The following NOL10 variants were observed in gnomAD, a reference collection of about 807,000 sequenced individuals.
NOL10 encodes the protein H_NH0074G24.1.
A neutral mutation model predicts 103.5 loss-of-function variants in NOL10; 58 were observed. The ratio of observed to expected loss-of-function variants is 0.56; its 90% CI spans 0.45 to 0.70. The LOEUF is 0.70. Among genes scored for constraint, NOL10 ranks in the 30% least tolerant of loss-of-function variants. The pLI is 0.00. For missense variants in NOL10, 763 were observed against 807.3 expected (o/e 0.95, Z 0.67); for synonymous variants, 287 against 282.5 (o/e 1.02, Z -0.16).
chr2:10,602,758 G>A lies in NOL10; in HGVS notation c.1332+18C>T, dbSNP rs773890891. 3 of 1,416,576 alleles carry A rather than the reference G, an allele frequency of 2.1e-6. No individual in the cohort carries two copies. Among genetic ancestry groups the A allele is most frequent in the Non-Finnish European group, 2.9e-6 (3 of 1,020,432 alleles). 87.8% of individuals were successfully genotyped at this position (1,416,576 alleles called of 1,614,324 possible). Reference sequence around the variant, plus strand: ...AGTACTCTTCTCTGATAAATTCAATGGTAAGTATAATATTTACCTTTAACT... The same window carrying A: ...AGTACTCTTCTCTGATAAATTCAATAGTAAGTATAATATTTACCTTTAACT... On this transcript the variant is annotated intron_variant, in intron 16 of 20. Coordinates refer to ENST00000381685, the MANE Select transcript of NOL10 (RefSeq NM_024894.4).
chr2:10,597,283 C>T (rs1675741875), intron 17 of NOL10, among the ~76,000 whole-genome samples: 1 of 152,120 alleles, frequency 6.6e-6, no homozygotes, highest in Non-Finnish European at 1.5e-5. Flanking sequence ...TTTGTGTTCT[C>T]AGTGGCAGCA....
At chr2:10,624,324 T>A (rs1572316997) in intron 13 of NOL10, among the ~76,000 whole-genome samples, 1 of 151,996 alleles carries the variant, frequency 6.6e-6, no homozygotes, top group African/African-American at 2.4e-5. Context: ...CACTGAAGCC[T>A]GGGCAACAGA....
intron 13 of NOL10, among the ~76,000 whole-genome samples, chr2:10,607,776 T>TA (rs1558286226): frequency 6.7e-6 from 1 of 150,100 alleles, no homozygotes; most frequent in East Asian, 1.9e-4. Flanking sequence ...TTATTATTAT[T>TA]TTGTAGAGAT....
At position 10,603,142 on chromosome 2, in the gene NOL10, A is replaced by G. The variant is rs1178579029; in HGVS notation, c.1169T>C (p.Ile390Thr). 1.1e-5 allele frequency: 17 copies of G among 1,611,366 alleles called. No individual in the cohort carries two copies. Among genetic ancestry groups the G allele is most frequent in the East Asian group, 2.2e-5 (1 of 44,806 alleles). The stretch of plus-strand genomic sequence containing the variant: ...ATATGCCCGGAGGAAAGGAGATCCA[A>G]TGAGGTGGGTGAGCCCTGGGAAAGG... ...DLENLGLTHLIGSPFLRAYMH... is the reference protein window; with the variant it reads ...DLENLGLTHLTGSPFLRAYMH... Residue 390 changes from isoleucine to threonine, a missense_variant, in exon 15 of 21, where the codon ATT becomes ACT. By Grantham distance (89) the Ile-to-Thr change is moderately conservative. Transcript: ENST00000381685.
intron 13 of NOL10, chr2:10,622,285 C>A (rs879088128): frequency 1.7e-5 from 7 of 414,380 alleles, no homozygotes; most frequent in Admixed American, 1.5e-4. Context: ...ATATTGTGAT[C>A]AAAAAAACCT....
At position 10,615,070 on chromosome 2, in the gene NOL10, C is replaced by A. The variant is rs141740358; in HGVS notation, c.1027-7759G>T. Among the ~76,000 whole-genome samples the A allele has an allele frequency of 4.9e-3, 744 of 152,282 alleles. 7 individuals are homozygous for A. The highest frequency in any genetic ancestry group is 0.017 in the African/African-American group (710 of 41,550). The stretch of plus-strand genomic sequence containing the variant: ...ACACTGGGTGAGCCAGAGGGAGTGG[C>A]CATGACCTTAAGCATGTAATTGCAT... On this transcript the variant is annotated intron_variant, in intron 13 of 20. Coordinates refer to ENST00000381685, the MANE Select transcript of NOL10 (RefSeq NM_024894.4).
intron 20 of NOL10, among the ~76,000 whole-genome samples, chr2:10,576,474 C>T (rs1045666349): frequency 1.3e-5 from 2 of 152,144 alleles, no homozygotes; most frequent in Non-Finnish European, 2.9e-5. Flanking sequence ...CCTTAAAAAA[C>T]GAATGAATAG....
At chr2:10,603,006 C>A (rs897069541) in intron 15 of NOL10, 72 bp downstream of exon 15, 2 of 1,303,960 alleles carry the variant, frequency 1.5e-6, no homozygotes, top group Non-Finnish European at 2.2e-6. Flanking sequence ...TATGAAAGTG[C>A]GAGTAGTGAG....
At chr2:10,604,121 A>G (rs4555317) in intron 14 of NOL10, among the ~76,000 whole-genome samples, 89,991 of 152,072 alleles carry the variant, frequency 0.59, 27,648 homozygotes, top group African/African-American at 0.74. Flanking sequence ...ACGCTCCTAT[A>G]AGAATCAAAT....
At chr2:10,625,380 T>C (rs1677399164) in intron 13 of NOL10, among the ~76,000 whole-genome samples, 2 of 152,142 alleles carry the variant, frequency 1.3e-5, no homozygotes, top group South Asian at 4.1e-4. Context: ...ATAAGAACTC[T>C]GTACTTTCCA....
intron 20 of NOL10, 139 bp downstream of exon 20, chr2:10,577,496 GA>G: frequency 1.6e-6 from 1 of 633,660 alleles, no homozygotes; most frequent in Non-Finnish European, 2.7e-6. Flanking sequence ...TGGTTGCAAG[GA>G]AAATGTTAGA....
At chr2:10,626,531 C>G (rs984272925) in intron 13 of NOL10, among the ~76,000 whole-genome samples, 1 of 151,412 alleles carries the variant, frequency 6.6e-6, no homozygotes, top group Admixed American at 6.6e-5. Context: ...AAAAACAAAA[C>G]AAAACCAAAA....
chr2:10,669,371 G>T (rs1320024329), intron 6 of NOL10, among the ~76,000 whole-genome samples: 2 of 150,578 alleles, frequency 1.3e-5, no homozygotes, highest in Non-Finnish European at 3.0e-5. Flanking sequence ...TTACAAGCAT[G>T]AGCCACCATG....
At chr2:10,593,706 G>T (rs77047837) in intron 17 of NOL10, among the ~76,000 whole-genome samples, 30,795 of 152,154 alleles carry the variant, frequency 0.2, 4,092 homozygotes, top group Non-Finnish European at 0.3. Flanking sequence ...CCTTTCCCAC[G>T]GAGAAGTTGC....
intron 13 of NOL10, among the ~76,000 whole-genome samples, chr2:10,639,049 C>A (rs998297691): frequency 2.0e-5 from 3 of 151,566 alleles, no homozygotes; most frequent in African/African-American, 7.3e-5. Flanking sequence ...GTGATCTGCC[C>A]ATCTCAGCCT....
intron 13 of NOL10, among the ~76,000 whole-genome samples, chr2:10,621,490 A>G (rs144573932): frequency 6.6e-6 from 1 of 152,164 alleles, no homozygotes; most frequent in Non-Finnish European, 1.5e-5. Flanking sequence ...GGTACTTGGG[A>G]GACTGAGGTT....
intron 8 of NOL10, among the ~76,000 whole-genome samples, chr2:10,665,944 T>C (rs574656416): frequency 6.6e-6 from 1 of 152,324 alleles, no homozygotes; most frequent in Non-Finnish European, 1.5e-5. Context: ...CACTGGTATA[T>C]TGCATAATGC....
intron 13 of NOL10, among the ~76,000 whole-genome samples, chr2:10,635,219 T>C (rs956135836): frequency 6.6e-6 from 1 of 152,244 alleles, no homozygotes; most frequent in Non-Finnish European, 1.5e-5. Flanking sequence ...TTAAGTCTCA[T>C]GTTTGGATTT....
intron 2 of NOL10, 71 bp from the exon 3 acceptor site, chr2:10,682,140 G>A: frequency 3.5e-6 from 2 of 572,092 alleles, no homozygotes; most frequent in South Asian, 4.4e-5. Context: ...AGACAAATGG[G>A]TACCAAGCAG....
Sources: allele counts gnomAD v4.1 joint callset (sites outside exome capture counted in the v4.1 genomes callset), GRCh38; gene constraint gnomAD v4.1.1; transcripts MANE v1.5; gene names NCBI Gene and HGNC (gene_info 2026-07-23, HGNC 2026-07-21).